Variants in TTLL5 observed in about 807,000 individuals in gnomAD.
TTLL5 encodes the protein tubulin tyrosine ligase like 5, also known as tubulin polyglutamylase TTLL5.
TTLL5 carries 132 observed loss-of-function variants against 168.4 expected under a neutral mutation model. The ratio of observed to expected loss-of-function variants is 0.78; its 90% confidence interval spans 0.68 to 0.91. TTLL5 has a LOEUF of 0.91. TTLL5 is among the 40% of genes least tolerant of loss of function. TTLL5 has a pLI of 0.00. For synonymous variants in TTLL5, 546 were observed against 558.6 expected, an observed-to-expected ratio of 0.98 and a Z score of 0.32; for missense variants, 1,545 against 1,581.5, an observed-to-expected ratio of 0.98 and a Z score of 0.39.
intron 28 of TTLL5, among the ~76,000 whole-genome samples, chr14:75,839,946 A>G (rs1049670284): frequency 6.6e-6 from 1 of 152,208 alleles, no homozygotes; most frequent in Non-Finnish European, 1.5e-5. Flanking sequence ...GGAGTTCTCT[A>G]TATATCCTGG....
intron 28 of TTLL5, among the ~76,000 whole-genome samples, chr14:75,823,325 C>T (rs1044203146): frequency 1.3e-5 from 2 of 152,236 alleles, no homozygotes; most frequent in Non-Finnish European, 2.9e-5. Context: ...CTCATCATTA[C>T]TGCCAGCCTT....
chr14:75,736,530 T>C (rs1020253621), intron 15 of TTLL5, among the ~76,000 whole-genome samples: 3 of 152,306 alleles, frequency 2.0e-5, no homozygotes, highest in African/African-American at 7.2e-5. Context: ...GCATACCTCA[T>C]CTGAAAGGGA....
chr14:75,915,323 A>G (rs530210202), intron 31 of TTLL5, among the ~76,000 whole-genome samples: 38 of 152,318 alleles, frequency 2.5e-4, no homozygotes, highest in Admixed American at 1.9e-3. Context: ...GTCATATGTT[A>G]CACTTTAAAT....
chr14:75,851,714 C>T (rs747004345), intron 28 of TTLL5, among the ~76,000 whole-genome samples: 1 of 152,204 alleles, frequency 6.6e-6, no homozygotes, highest in Non-Finnish European at 1.5e-5. Flanking sequence ...ACTTTACTCT[C>T]CTGCTCACAC....
chr14:75,774,063 T>A (rs1416887404), intron 21 of TTLL5, among the ~76,000 whole-genome samples: 1 of 150,102 alleles, frequency 6.7e-6, no homozygotes, highest in African/African-American at 2.5e-5. Context: ...TTGAGGAAGG[T>A]AGATGTAGAG....
chr14:75,734,904 T>TAA (rs1366303392), intron 14 of TTLL5, among the ~76,000 whole-genome samples: 1 of 152,258 alleles, frequency 6.6e-6, no homozygotes, highest in Non-Finnish European at 1.5e-5. Flanking sequence ...AATTTGCGGT[T>TAA]ACTCTTAAGT....
chr14:75,748,026 A>G (rs185033690), intron 17 of TTLL5, among the ~76,000 whole-genome samples: 35 of 152,286 alleles, frequency 2.3e-4, no homozygotes, highest in Admixed American at 8.5e-4. Context: ...CTCTATTTGC[A>G]TTTCCTCTCT....
At chr14:75,809,788 A>T (rs1311854075) in intron 27 of TTLL5, among the ~76,000 whole-genome samples, 1 of 152,040 alleles carries the variant, frequency 6.6e-6, no homozygotes, top group African/African-American at 2.4e-5. Context: ...CCACTCTTTT[A>T]GTTCCCAGAT....
chr14:75,770,932 A>C (rs1239497000), intron 20 of TTLL5, among the ~76,000 whole-genome samples: 1 of 152,122 alleles, frequency 6.6e-6, no homozygotes, highest in East Asian at 1.9e-4. Context: ...CCTTTATAGG[A>C]TTTATCTATT....
intron 28 of TTLL5, among the ~76,000 whole-genome samples, chr14:75,832,172 C>G (rs982735370): frequency 3.9e-5 from 6 of 152,202 alleles, no homozygotes; most frequent in African/African-American, 1.4e-4. Context: ...CCATTGGCTC[C>G]TTGGCATTGA....
intron 28 of TTLL5, among the ~76,000 whole-genome samples, chr14:75,827,871 C>T (rs1302733337): frequency 6.6e-6 from 1 of 151,800 alleles, no homozygotes; most frequent in Non-Finnish European, 1.5e-5. Context: ...GTGTGCACCA[C>T]CATGCCTGGC....
At chr14:75,895,236 A>C (rs6574256) in intron 30 of TTLL5, among the ~76,000 whole-genome samples, 134,275 of 152,216 alleles carry the variant, frequency 0.88, 59,324 homozygotes, top group South Asian at 0.92. Flanking sequence ...TGTATGTGCA[A>C]TTAAAATTTC....
At chr14:75,775,216 G>A (rs1863035) in intron 21 of TTLL5, among the ~76,000 whole-genome samples, 133,815 of 152,160 alleles carry the variant, frequency 0.88, 59,217 homozygotes, top group Admixed American at 0.92. Flanking sequence ...TTTTACAACT[G>A]CTACTTTATT....
At chr14:75,739,876 A>G (rs1475716026) in intron 15 of TTLL5, among the ~76,000 whole-genome samples, 1 of 152,118 alleles carries the variant, frequency 6.6e-6, no homozygotes, top group Non-Finnish European at 1.5e-5. Context: ...TGATTTTCCC[A>G]TTGTCAAGAT....
chr14:75,846,074 AT>A (rs1275534064), intron 28 of TTLL5, among the ~76,000 whole-genome samples: 3 of 152,238 alleles, frequency 2.0e-5, no homozygotes, highest in Non-Finnish European at 4.4e-5. Context: ...TCAAATGCCA[AT>A]TCCATAGAGA....
At chr14:75,859,606 CAAGGA>C (rs1282563443) in intron 28 of TTLL5, among the ~76,000 whole-genome samples, 2 of 151,884 alleles carry the variant, frequency 1.3e-5, no homozygotes, top group African/African-American at 4.8e-5. Flanking sequence ...TAGCATTGAG[CAAGGA>C]AAAACACTAA....
At chr14:75,739,438 AC>A (rs150647446) in intron 15 of TTLL5, among the ~76,000 whole-genome samples, 1,717 of 152,110 alleles carry the variant, frequency 0.011, 22 homozygotes, top group South Asian at 0.037. Context: ...GACCAGTTAG[AC>A]TGTGTCAAGC....
intron 7 of TTLL5, among the ~76,000 whole-genome samples, chr14:75,700,054 C>T (rs1279358226): frequency 6.6e-6 from 1 of 152,152 alleles, no homozygotes; most frequent in Non-Finnish European, 1.5e-5. Flanking sequence ...AATAGAATCT[C>T]TTCAGTAACT....
intron 31 of TTLL5, among the ~76,000 whole-genome samples, chr14:75,943,103 G>A (rs1445191012): frequency 6.6e-6 from 1 of 152,162 alleles, no homozygotes; most frequent in African/African-American, 2.4e-5. Flanking sequence ...GGCGGTGTCG[G>A]GGAAGAGCTG....
Sources: allele counts gnomAD v4.1 joint callset (sites outside exome capture counted in the v4.1 genomes callset), GRCh38; gene constraint gnomAD v4.1.1; transcripts MANE v1.5; gene names NCBI Gene and HGNC (gene_info 2026-07-23, HGNC 2026-07-21).